Variants in CAMTA1 observed in about 807,000 individuals in gnomAD.
CAMTA1 encodes the protein calmodulin binding transcription activator 1, also known as calmodulin-binding transcription activator 1.
Under a neutral mutation model 170.9 loss-of-function variants are expected in CAMTA1, and 27 were observed. That is an observed-to-expected ratio of 0.16 (90% CI 0.12 to 0.22). CAMTA1 has a LOEUF of 0.22. Among genes scored for constraint, CAMTA1 ranks in the 10% least tolerant of loss-of-function variants. The pLI, the probability that CAMTA1 is intolerant of heterozygous loss-of-function variation, is 1.00. For synonymous variants in CAMTA1, 833 were observed against 891.5 expected (o/e 0.93, Z 1.17); for missense variants, 1,619 against 2,217.2 (o/e 0.73, Z 5.42).
chr1:7,042,769 C>T (rs1023036896), intron 3 of CAMTA1, among the ~76,000 whole-genome samples: 4 of 152,214 alleles, frequency 2.6e-5, no homozygotes, highest in African/African-American at 4.8e-5. Context: ...CAGCAGCTCC[C>T]GACTCACAGT....
chr1:7,221,223 CT>C (rs5772270), intron 4 of CAMTA1, among the ~76,000 whole-genome samples: 12,280 of 143,858 alleles, frequency 0.085, 1,289 homozygotes, highest in African/African-American at 0.25. Context: ...GAGCCTTATT[CT>C]TTTTTTTTTT....
rs1039701598 is a variant in CAMTA1, at chr1:7,565,845, G to T, written c.511-74555G>T. Among the ~76,000 whole-genome samples the T allele has an allele frequency of 5.3e-5, 8 of 152,132 alleles. No individual in the cohort carries two copies. The highest frequency in any genetic ancestry group is 8.8e-5 in the Non-Finnish European group (6 of 68,016). On this transcript the variant is annotated intron_variant, in intron 6 of 22. Transcript: ENST00000303635. The surrounding 1 kb of genome is among the most constrained non-coding windows in gnomAD (Gnocchi z 4.5). ...GAAGCTGGAGGGCCAAGATCAGGAT[G>T]CTAGCGTGGTTGGGGGCTGGTGAGG... is the stretch of plus-strand genomic sequence containing the variant.
intron 3 of CAMTA1, among the ~76,000 whole-genome samples, chr1:6,953,508 C>T (rs930177560): frequency 6.6e-6 from 1 of 152,232 alleles, no homozygotes; most frequent in African/African-American, 2.4e-5. Flanking sequence ...CTTCCTTGCT[C>T]AGGGCCGCCT....
intron 5 of CAMTA1, among the ~76,000 whole-genome samples, chr1:7,301,620 A>G (rs753069171): frequency 2.2e-4 from 34 of 151,646 alleles, no homozygotes; most frequent in Non-Finnish European, 4.0e-4. Context: ...GAGTCTGCTC[A>G]CCTCTTCCCC....
At chr1:6,872,402 CTTTTAA>C (rs1261562315) in intron 3 of CAMTA1, among the ~76,000 whole-genome samples, 3 of 152,232 alleles carry the variant, frequency 2.0e-5, no homozygotes, top group Non-Finnish European at 4.4e-5. Context: ...AAAGCTTAGA[CTTTTAA>C]TTTTAATTTC....
intron 3 of CAMTA1, among the ~76,000 whole-genome samples, chr1:7,062,614 C>T (rs1246143067): frequency 6.6e-6 from 1 of 152,006 alleles, no homozygotes; most frequent in Non-Finnish European, 1.5e-5. Context: ...AGCCGTGGGC[C>T]CGGGTGTGGG....
At chr1:7,746,375 G>A (rs1478393921) in intron 18 of CAMTA1, among the ~76,000 whole-genome samples, 1 of 152,160 alleles carries the variant, frequency 6.6e-6, no homozygotes, top group African/African-American at 2.4e-5. Flanking sequence ...TCACAGTGCT[G>A]TGCAACTGTC....
chr1:6,977,401 C>T (rs1414245771), intron 3 of CAMTA1, among the ~76,000 whole-genome samples: 2 of 151,504 alleles, frequency 1.3e-5, no homozygotes, highest in Non-Finnish European at 2.9e-5. Context: ...AGTGCAGTGG[C>T]GCAGTCTCGG....
At chr1:7,338,355 C>T (rs74353802) in intron 5 of CAMTA1, among the ~76,000 whole-genome samples, 2,921 of 152,282 alleles carry the variant, frequency 0.019, 78 homozygotes, top group African/African-American at 0.062. Flanking sequence ...GGCCGGGACA[C>T]GGCTGGCACA....
intron 3 of CAMTA1, among the ~76,000 whole-genome samples, chr1:6,883,988 C>G (rs1375382789): frequency 6.6e-6 from 1 of 151,956 alleles, no homozygotes; most frequent in Admixed American, 6.6e-5. Context: ...TCTTATATTT[C>G]CATTACCTTC....
At chr1:7,256,764 A>C (rs956688375) in intron 5 of CAMTA1, among the ~76,000 whole-genome samples, 3 of 152,144 alleles carry the variant, frequency 2.0e-5, no homozygotes, top group Non-Finnish European at 4.4e-5. Context: ...GTTTAGGATC[A>C]AGGTGCAGGC....
intron 3 of CAMTA1, among the ~76,000 whole-genome samples, chr1:7,019,818 G>T (rs1051714079): frequency 6.1e-4 from 93 of 152,344 alleles, no homozygotes; most frequent in African/African-American, 2.2e-3. Context: ...GCCTGTGCCT[G>T]CCACAGCCCC....
At chr1:6,941,437 C>T (rs990962603) in intron 3 of CAMTA1, among the ~76,000 whole-genome samples, 3 of 152,142 alleles carry the variant, frequency 2.0e-5, no homozygotes, top group East Asian at 1.9e-4. Flanking sequence ...GCAAGGAAGC[C>T]GTGACCGGGA....
intron 1 of CAMTA1, among the ~76,000 whole-genome samples, chr1:6,817,514 T>C (rs796286134): frequency 2.1e-4 from 32 of 152,350 alleles, no homozygotes; most frequent in African/African-American, 6.0e-4. Flanking sequence ...GATTCCATGC[T>C]CACAGTCATG....
intron 6 of CAMTA1, among the ~76,000 whole-genome samples, 176 bp downstream of exon 6, chr1:7,468,077 G>T (rs918021184): frequency 1.3e-5 from 2 of 152,228 alleles, no homozygotes; most frequent in Non-Finnish European, 2.9e-5. Context: ...GGCTGGGCTG[G>T]TGTTGTCATG....
rs891980719 is a variant in CAMTA1, at chr1:6,971,760, AAG to A, written c.235-119540_235-119539del. On this transcript the variant is annotated intron_variant, in intron 3 of 22. Coordinates refer to ENST00000303635, the MANE Select transcript of CAMTA1 (RefSeq NM_015215.4). This position sits in a 1 kb window ranked among gnomAD's most constrained non-coding sequence, Gnocchi z 4.6. ...TTCCTGCTCTCCGAAGGAAAAAGGAAAGAGAAGAAAAGGCCAGGCCTGCCTGT... is the reference window on the plus strand; with the variant it reads ...TTCCTGCTCTCCGAAGGAAAAAGGAAAGAAGAAAAGGCCAGGCCTGCCTGT... Among the ~76,000 whole-genome samples, 1 of 152,184 alleles carries A rather than the reference AAG, an allele frequency of 6.6e-6. No homozygotes were observed. Among genetic ancestry groups the A allele is most frequent in the African/African-American group, 2.4e-5 (1 of 41,442 alleles).
At chr1:7,340,568 T>TC (rs1300387285) in intron 5 of CAMTA1, among the ~76,000 whole-genome samples, 7 of 17,896 alleles carry the variant, frequency 3.9e-4, no homozygotes, top group African/African-American at 1.4e-3. Flanking sequence ...CTCCCTCCCT[T>TC]CCTTCCTTCC....
chr1:7,710,843 C>T (rs537234128), intron 11 of CAMTA1, among the ~76,000 whole-genome samples: 1 of 152,182 alleles, frequency 6.6e-6, no homozygotes, highest in East Asian at 1.9e-4. Flanking sequence ...CCAGATGTCT[C>T]CAGGAAGACA....
intron 16 of CAMTA1, among the ~76,000 whole-genome samples, chr1:7,744,511 T>A (rs1009216033): frequency 6.6e-6 from 1 of 152,080 alleles, no homozygotes; most frequent in Non-Finnish European, 1.5e-5. Flanking sequence ...CTCATTAATA[T>A]TACAGGTTAC....
Sources: allele counts gnomAD v4.1 joint callset (sites outside exome capture counted in the v4.1 genomes callset), GRCh38; gene constraint gnomAD v4.1.1; non-coding constraint Gnocchi (gnomAD v3.1); transcripts MANE v1.5; gene names NCBI Gene and HGNC (gene_info 2026-07-23, HGNC 2026-07-21).